TMEM132B: variants seen among roughly 807,000 people sequenced by gnomAD.
The protein encoded by TMEM132B is transmembrane protein 132B.
TMEM132B carries 18 observed loss-of-function variants against 90.8 expected under a neutral mutation model. The observed-to-expected ratio is 0.20, with a 90% CI of 0.14 to 0.29. The LOEUF is 0.29. Ranked by LOEUF, TMEM132B falls within the 10% of genes least tolerant of loss-of-function variation. The pLI is 1.00. For missense variants in TMEM132B, 1,096 were observed against 1,326.8 expected, an observed-to-expected ratio of 0.83 and a Z score of 2.70; for synonymous variants, 504 against 523.3, an observed-to-expected ratio of 0.96 and a Z score of 0.50.
intron 5 of TMEM132B, among the ~76,000 whole-genome samples, chr12:125,610,095 T>A (rs1221426861): frequency 6.6e-6 from 1 of 152,128 alleles, no homozygotes; most frequent in Non-Finnish European, 1.5e-5. Flanking sequence ...GTATCTTGCA[T>A]GCTTGCTGAA....
At chr12:125,422,537 T>C (rs1880198976) in intron 3 of TMEM132B, among the ~76,000 whole-genome samples, 2 of 152,202 alleles carry the variant, frequency 1.3e-5, no homozygotes, top group African/African-American at 4.8e-5. Context: ...TCAAAAGACA[T>C]GTCTATGTCC....
intron 3 of TMEM132B, among the ~76,000 whole-genome samples, chr12:125,465,334 C>T (rs1881535706): frequency 1.3e-5 from 2 of 152,170 alleles, no homozygotes; most frequent in Admixed American, 1.3e-4. Context: ...ACACTTCTAA[C>T]TAGTGTTGAT....
intron 2 of TMEM132B, among the ~76,000 whole-genome samples, chr12:125,370,153 G>A (rs1046428856): frequency 1.3e-5 from 2 of 152,156 alleles, no homozygotes; most frequent in African/African-American, 2.4e-5. Context: ...GCTTAAGATC[G>A]GCTGCATGTG....
chr12:125,563,285 A>C (rs551944948), intron 4 of TMEM132B, among the ~76,000 whole-genome samples: 1 of 152,096 alleles, frequency 6.6e-6, no homozygotes, highest in African/African-American at 2.4e-5. Context: ...TGCTCGATGA[A>C]GAGTTGCCAG....
At chr12:125,632,707 T>C (rs1886394729) in intron 5 of TMEM132B, among the ~76,000 whole-genome samples, 1 of 152,144 alleles carries the variant, frequency 6.6e-6, no homozygotes, top group South Asian at 2.1e-4. Context: ...GCACTTTAAA[T>C]ATGTCATGCC....
chr12:125,272,637 GATT>G (rs1002318352), intron 1 of TMEM132B, among the ~76,000 whole-genome samples: 6 of 152,168 alleles, frequency 3.9e-5, no homozygotes, highest in Admixed American at 1.3e-4. Flanking sequence ...GGTGCAGTTG[GATT>G]ATTTTTATTT....
chr12:125,478,428 G>C (rs1395794371), intron 3 of TMEM132B, among the ~76,000 whole-genome samples: 1 of 152,196 alleles, frequency 6.6e-6, no homozygotes, highest in Non-Finnish European at 1.5e-5. Context: ...TAAATGACCT[G>C]ATGGAGCTGA....
chr12:125,551,160 T>C (rs1884220554), intron 4 of TMEM132B, among the ~76,000 whole-genome samples: 1 of 152,232 alleles, frequency 6.6e-6, no homozygotes, highest in Admixed American at 6.5e-5. Context: ...TGCCAGATGT[T>C]GAGTTACTCT....
chr12:125,307,813 AATAC>A (rs370291316), intron 1 of TMEM132B, among the ~76,000 whole-genome samples: 9 of 22,074 alleles, frequency 4.1e-4, no homozygotes, highest in Admixed American at 4.8e-4. Context: ...ATATACTTAT[AATAC>A]TTATAAGTAT....
intron 1 of TMEM132B, among the ~76,000 whole-genome samples, chr12:125,258,215 C>G (rs1336236991): frequency 1.3e-5 from 2 of 152,178 alleles, no homozygotes; most frequent in African/African-American, 4.8e-5. Flanking sequence ...TGCCGTGTTC[C>G]AGGTACTATT....
intron 2 of TMEM132B, among the ~76,000 whole-genome samples, chr12:125,385,568 A>T (rs986388589): frequency 1.3e-5 from 2 of 152,250 alleles, no homozygotes; most frequent in African/African-American, 4.8e-5. Flanking sequence ...AGATGCTGAC[A>T]AAATTTGTGT....
intron 5 of TMEM132B, among the ~76,000 whole-genome samples, chr12:125,627,860 G>A (rs1390744231): frequency 4.6e-5 from 7 of 151,950 alleles, no homozygotes; most frequent in Admixed American, 6.6e-5. Context: ...CACTATCTTC[G>A]TGAGTTCAAT....
intron 1 of TMEM132B, among the ~76,000 whole-genome samples, chr12:125,305,015 G>C (rs1483616147): frequency 6.6e-6 from 1 of 152,036 alleles, no homozygotes; most frequent in Non-Finnish European, 1.5e-5. Flanking sequence ...TTGCTTTGCT[G>C]TTTCAGGATA....
At chr12:125,367,181 C>G (rs1198191036) in intron 2 of TMEM132B, among the ~76,000 whole-genome samples, 1 of 152,086 alleles carries the variant, frequency 6.6e-6, no homozygotes, top group Admixed American at 6.6e-5. Flanking sequence ...AGTTGATTGT[C>G]TTTTCACTCT....
intron 3 of TMEM132B, among the ~76,000 whole-genome samples, chr12:125,491,351 C>G (rs1882345894): frequency 6.6e-6 from 1 of 151,860 alleles, no homozygotes; most frequent in Admixed American, 6.6e-5. Context: ...GCTTACTAAT[C>G]CAAAGCTTTG....
intron 3 of TMEM132B, among the ~76,000 whole-genome samples, chr12:125,451,239 G>C (rs1881143096): frequency 6.6e-6 from 1 of 152,158 alleles, no homozygotes; most frequent in Non-Finnish European, 1.5e-5. Flanking sequence ...ATTGATGACT[G>C]TACTATGGTT....
chr12:125,252,294 C>T (rs1490055788), intron 1 of TMEM132B, among the ~76,000 whole-genome samples: 1 of 152,184 alleles, frequency 6.6e-6, no homozygotes, highest in African/African-American at 2.4e-5. Context: ...CTTGCTTTCC[C>T]TCTCCCTTCT....
Position 125,226,600 on chromosome 12 carries a change from C to T in TMEM132B, c.67+39734C>T, listed in dbSNP as rs79982698. ...GGGAGAGTCCATTAAGAAGGCCTCA[C>T]GGGCACAGTGGTAAGAGGTTAGCTT... On this transcript the variant is annotated intron_variant, in intron 1 of 8. Transcript: ENST00000682704. Among the ~76,000 whole-genome samples, 416 of 152,292 alleles carry T rather than the reference C, an allele frequency of 2.7e-3. 2 individuals carry two copies. The highest frequency in any genetic ancestry group is 9.1e-3 in the African/African-American group (378 of 41,562).
At chr12:125,192,684 C>A (rs1163823360) in intron 1 of TMEM132B, among the ~76,000 whole-genome samples, 1 of 152,340 alleles carries the variant, frequency 6.6e-6, no homozygotes, top group South Asian at 2.1e-4. Flanking sequence ...CATTCGGGAG[C>A]CCCGGCCTGC....
Sources: gnomAD v4.1 joint callset for allele counts (sites outside exome capture counted in the v4.1 genomes callset) on GRCh38, gnomAD v4.1.1 for gene constraint, MANE v1.5 for transcripts, NCBI Gene and HGNC (gene_info 2026-07-23, HGNC 2026-07-21) for gene names.